DYNC2H1: variants seen among roughly 807,000 people sequenced by gnomAD.
The protein encoded by DYNC2H1 is dynein cytoplasmic 2 heavy chain 1.
Under a neutral mutation model 570.0 loss-of-function variants are expected in DYNC2H1, and 410 were observed. That is an observed-to-expected ratio of 0.72 (90% CI 0.66 to 0.78). The LOEUF is 0.78. Ranked by LOEUF, DYNC2H1 falls within the 30% of genes least tolerant of loss-of-function variation. The probability of loss-of-function intolerance (pLI) is 0.00; values close to 1 mark genes in which losing one functional copy is unlikely to be tolerated. For missense variants in DYNC2H1, 4,865 were observed against 5,046.4 expected (o/e 0.96, Z 1.09); for synonymous variants, 1,688 against 1,677.6 (o/e 1.01, Z -0.15).
rs771198773 is a variant in DYNC2H1, at chr11:103,307,793, C to T, written c.11455C>T (p.Pro3819Ser). The change falls in exon 78 of 89, where the codon CCT (proline) becomes TCT (serine). Residue 3819 changes from proline to serine, a missense_variant. Pro to Ser is a moderately conservative substitution (Grantham distance 74, BLOSUM62 -1). Around this residue, in one of 5 missense-constraint regions of DYNC2H1, gnomAD observed 2,401 missense variants for 2,454.6 expected, o/e 0.98. Coordinates refer to ENST00000375735, the MANE Select transcript of DYNC2H1 (RefSeq NM_001377.3). ...TGCAGAAGTTCATCCCAACTTTACT[C>T]CTATTTTACTACAGTCAAGTCTGAA... is the stretch of plus-strand genomic sequence containing the variant. ...LTAEVHPNFT[P>S]ILLQSSLKIT... The T allele has an allele frequency of 1.2e-5, 19 of 1,604,096 alleles. No homozygotes were observed. The highest frequency in any genetic ancestry group is 1.6e-5 in the Non-Finnish European group (19 of 1,174,482).
chr11:103,223,808 C>G (rs1358769616), intron 59 of DYNC2H1, among the ~76,000 whole-genome samples: 1 of 146,588 alleles, frequency 6.8e-6, no homozygotes, highest in African/African-American at 2.6e-5. Flanking sequence ...AGTGCAGTGG[C>G]GCGATCTCAG....
intron 53 of DYNC2H1, among the ~76,000 whole-genome samples, chr11:103,211,026 TA>T (rs1417836940): frequency 1.3e-5 from 2 of 152,038 alleles, no homozygotes; most frequent in Non-Finnish European, 2.9e-5. Flanking sequence ...CAAAAGCAAT[TA>T]CATCACTTTA....
chr11:103,286,538 C>T (rs1866358962), intron 74 of DYNC2H1, among the ~76,000 whole-genome samples, 152 bp downstream of exon 74: 1 of 152,162 alleles, frequency 6.6e-6, no homozygotes. Context: ...ACCTTATTGA[C>T]AATTAAATCA....
intron 84 of DYNC2H1, among the ~76,000 whole-genome samples, chr11:103,432,498 T>C (rs1943927749): frequency 6.6e-6 from 1 of 152,150 alleles, no homozygotes; most frequent in African/African-American, 2.4e-5. Flanking sequence ...GTATGTTCGT[T>C]AGTAGTTCCT....
chr11:103,468,052 C>G (rs900727227), intron 87 of DYNC2H1, among the ~76,000 whole-genome samples: 2 of 152,026 alleles, frequency 1.3e-5, no homozygotes, highest in African/African-American at 2.4e-5. Flanking sequence ...ACCAAAAGAA[C>G]CGTGTTTTCA....
intron 70 of DYNC2H1, among the ~76,000 whole-genome samples, chr11:103,273,771 G>A (rs971965134): frequency 1.6e-4 from 25 of 152,178 alleles, no homozygotes; most frequent in African/African-American, 6.0e-4. Context: ...GAGGTCACAT[G>A]GAAACCCTTG....
At chr11:103,269,060 C>T (rs559532419) in intron 70 of DYNC2H1, among the ~76,000 whole-genome samples, 1 of 152,196 alleles carries the variant, frequency 6.6e-6, no homozygotes, top group South Asian at 2.1e-4. Flanking sequence ...TTCACTAGGA[C>T]AGACGTTGAG....
intron 69 of DYNC2H1, among the ~76,000 whole-genome samples, chr11:103,258,018 A>C: frequency 6.6e-6 from 1 of 152,248 alleles, no homozygotes; most frequent in South Asian, 2.1e-4. Flanking sequence ...CATTTAAAAA[A>C]CCCAGTGATT....
intron 82 of DYNC2H1, among the ~76,000 whole-genome samples, chr11:103,355,685 T>G (rs1215972735): frequency 6.6e-6 from 1 of 152,160 alleles, no homozygotes; most frequent in African/African-American, 2.4e-5. Flanking sequence ...TCCTACAATT[T>G]CTTCATTTTA....
chr11:103,271,488 A>G (rs1341526425), intron 70 of DYNC2H1, among the ~76,000 whole-genome samples: 2 of 152,240 alleles, frequency 1.3e-5, no homozygotes, highest in African/African-American at 4.8e-5. Flanking sequence ...TTCATTGAAC[A>G]TATTTGAAAG....
chr11:103,271,704 A>C (rs1865715457), intron 70 of DYNC2H1, among the ~76,000 whole-genome samples: 1 of 152,222 alleles, frequency 6.6e-6, no homozygotes, highest in Non-Finnish European at 1.5e-5. Context: ...ACTGCCATTT[A>C]ATGCTTACAA....
intron 82 of DYNC2H1, among the ~76,000 whole-genome samples, chr11:103,337,957 T>C (rs945908394): frequency 6.6e-6 from 1 of 152,220 alleles, no homozygotes; most frequent in Non-Finnish European, 1.5e-5. Flanking sequence ...TTTGTCCAGA[T>C]TAGTGTCCTG....
chr11:103,383,769 C>T (rs559548327), intron 83 of DYNC2H1, among the ~76,000 whole-genome samples: 5 of 152,240 alleles, frequency 3.3e-5, no homozygotes, highest in East Asian at 3.9e-4. Context: ...CCACCATGCC[C>T]GGCCTCTCCT....
Position 103,189,772 on chromosome 11 carries a change from A to C in DYNC2H1, c.7393A>C (p.Lys2465Gln). ...KNHSIWGSSS[K>Q]IYLLAGSMVQ... ...TCATTCTATTTGGGGTTCTTCATCA[A>C]AAATTTATCTTTTAGCAGGATCTAT... is the stretch of plus-strand genomic sequence containing the variant. Residue 2465 changes from lysine (K) to glutamine (Q), a missense_variant, in exon 45 of 89, where the codon AAA becomes CAA. Coordinates refer to ENST00000375735, the MANE Select transcript of DYNC2H1 (RefSeq NM_001377.3). The surrounding 1 kb of genome is among the most constrained non-coding windows in gnomAD (Gnocchi z 4.3). The C allele has an allele frequency of 6.2e-7, 1 of 1,611,858 alleles. No individual in the cohort carries two copies. The highest frequency in any genetic ancestry group is 8.5e-7 in the Non-Finnish European group (1 of 1,179,232).
At chr11:103,412,309 T>C (rs1606667) in intron 84 of DYNC2H1, among the ~76,000 whole-genome samples, 77,151 of 151,954 alleles carry the variant, frequency 0.51, 19,873 homozygotes, top group African/African-American at 0.6. Context: ...CTTTTATTTC[T>C]TTGATAACTT....
At position 103,305,258 on chromosome 11, in the gene DYNC2H1, A is replaced by G. The variant is rs1867230990; in HGVS notation, c.11382+538A>G. Among the ~76,000 whole-genome samples, 1 of 152,202 alleles carries G rather than the reference A, an allele frequency of 6.6e-6. No homozygotes were observed. The highest frequency in any genetic ancestry group is 1.5e-5 in the Non-Finnish European group (1 of 68,042). The stretch of plus-strand genomic sequence containing the variant: ...GTAGGGTCTTGGGTAGTTAAAGATG[A>G]TTCTGAAGAGATATTCCTTGAAAGT... On this transcript the variant is annotated intron_variant, in intron 77 of 88. Coordinates refer to ENST00000375735, the MANE Select transcript of DYNC2H1 (RefSeq NM_001377.3). This position sits in a 1 kb window ranked among gnomAD's most constrained non-coding sequence, Gnocchi z 4.3.
Position 103,189,658 on chromosome 11 carries a change from G to A in DYNC2H1, c.7293-14G>A, listed in dbSNP as rs765672421. The A allele has an allele frequency of 6.2e-7, 1 of 1,609,652 alleles. No homozygotes were observed. The highest frequency in any genetic ancestry group is 8.5e-7 in the Non-Finnish European group (1 of 1,177,794). ...ATTTATTTCAGCTTTCTTCTTATAT[G>A]CCATTTTTTTTAGTTACCCAGAAAG... On this transcript the variant is annotated splice_polypyrimidine_tract_variant and intron_variant, in intron 44 of 88. Coordinates refer to ENST00000375735, the MANE Select transcript of DYNC2H1 (RefSeq NM_001377.3). This position sits in a 1 kb window ranked among gnomAD's most constrained non-coding sequence, Gnocchi z 4.3.
intron 70 of DYNC2H1, 101 bp downstream of exon 70, chr11:103,260,078 T>C: frequency 1.5e-6 from 1 of 651,018 alleles, no homozygotes; most frequent in Non-Finnish European, 2.4e-6. Flanking sequence ...TGGAAAGGTA[T>C]TAAAAATGGT....
chr11:103,376,931 T>C (rs1391790656), intron 83 of DYNC2H1, among the ~76,000 whole-genome samples: 3 of 152,234 alleles, frequency 2.0e-5, no homozygotes, highest in Non-Finnish European at 4.4e-5. Context: ...CTGATTTTTT[T>C]CTCAGTACTT....
Sources: allele counts gnomAD v4.1 joint callset (sites outside exome capture counted in the v4.1 genomes callset), GRCh38; gene constraint gnomAD v4.1.1; regional missense constraint gnomAD v4.1.1; non-coding constraint Gnocchi (gnomAD v3.1); transcripts MANE v1.5; gene names NCBI Gene and HGNC (gene_info 2026-07-23, HGNC 2026-07-21).